The following AASS variants were observed in gnomAD, a reference collection of about 807,000 sequenced individuals.
AASS encodes the protein alpha-aminoadipic semialdehyde synthase, mitochondrial.
AASS carries 86 observed loss-of-function variants against 105.4 expected under a neutral mutation model. That is an observed-to-expected ratio of 0.82 (90% CI 0.69 to 0.98). The LOEUF (loss-of-function observed/expected upper bound fraction) is 0.98, where lower values mean the gene tolerates loss of function less well. AASS is among the 50% of genes least tolerant of loss of function. The pLI is 0.00. For synonymous variants in AASS, 381 were observed against 394.8 expected (o/e 0.96, Z 0.41); for missense variants, 1,048 against 1,143.2 (o/e 0.92, Z 1.20).
intron 18 of AASS, among the ~76,000 whole-genome samples, chr7:122,087,270 A>G (rs2150512725): frequency 6.6e-6 from 1 of 152,304 alleles, no homozygotes; most frequent in Middle Eastern, 3.4e-3. Flanking sequence ...GAGAGAGAAA[A>G]TGGAAACTCA....
intron 1 of AASS, among the ~76,000 whole-genome samples, chr7:122,140,505 A>AAAAAAAAAAAAAAAAAAAAT: frequency 6.7e-6 from 1 of 149,918 alleles, no homozygotes. Flanking sequence ...AAAAAAAAAA[A>AAAAAAAAAAAAAAAAAAAAT]AAAGAATGAA....
At chr7:122,113,474 T>C in intron 10 of AASS, 124 bp downstream of exon 10, 1 of 1,256,576 alleles carries the variant, frequency 8.0e-7, no homozygotes, top group Non-Finnish European at 1.1e-6. Context: ...CAAATTTTAG[T>C]ATGTTTGAGT....
intron 1 of AASS, 172 bp from the exon 2 acceptor site, chr7:122,133,913 T>A (rs974743232): frequency 9.3e-6 from 6 of 642,996 alleles, no homozygotes; most frequent in African/African-American, 1.8e-5. Context: ...AAAGCCAAGT[T>A]TTCAAAAACA....
In AASS at chr7:122,116,824, T is replaced by C. The variant is rs963851059; in HGVS notation, c.766+55A>G. On this transcript the variant is annotated intron_variant, in intron 7 of 23. Coordinates refer to ENST00000417368, the MANE Select transcript of AASS (RefSeq NM_005763.4). ...ATAATAAAAATTTATGGTGATAAAA[T>C]ATTATAACATAGACTGTTAAAAACA... 3.7e-6 allele frequency: 6 copies of C among 1,611,326 alleles called. No individual in the cohort carries two copies. The East Asian group carries it at 8.9e-5, about 24-fold the overall frequency.
At chr7:122,105,266 C>T (rs1373549483) in intron 11 of AASS, among the ~76,000 whole-genome samples, 1 of 151,710 alleles carries the variant, frequency 6.6e-6, no homozygotes, top group Non-Finnish European at 1.5e-5. Flanking sequence ...AAATAGATAC[C>T]AAAACAATAA....
chr7:122,115,926 C>A (rs1795148526), intron 8 of AASS, among the ~76,000 whole-genome samples: 1 of 152,140 alleles, frequency 6.6e-6, no homozygotes, highest in African/African-American at 2.4e-5. Flanking sequence ...AAGGGCTAAA[C>A]TTCATACCAG....
chr7:122,075,595 G>A lies in AASS; in HGVS notation c.*894C>T, dbSNP rs555955255. ...AGATGCCCTTTATCAGGTTGAGGAA[G>A]TTTCCTTCTATTCCTAGTTTGTTGA... is the stretch of plus-strand genomic sequence containing the variant. On this transcript the variant is annotated 3_prime_UTR_variant, in exon 24 of 24. Transcript: ENST00000417368. 2.6e-5 allele frequency: 4 copies of A among 152,268 alleles called. No individual in the cohort carries two copies. Among genetic ancestry groups the A allele is most frequent in the African/African-American group, 9.6e-5 (4 of 41,546 alleles). 9.4% of individuals were successfully genotyped at this position (152,268 alleles called of 1,614,324 possible).
At chr7:122,097,135 C>T (rs577939992) in intron 15 of AASS, among the ~76,000 whole-genome samples, 12 of 151,230 alleles carry the variant, frequency 7.9e-5, no homozygotes, top group Non-Finnish European at 1.8e-4. Flanking sequence ...TGTAAAAATG[C>T]CAGCCTACAG....
chr7:122,142,055 C>T (rs1796424620), intron 1 of AASS, among the ~76,000 whole-genome samples: 1 of 152,040 alleles, frequency 6.6e-6, no homozygotes, highest in Non-Finnish European at 1.5e-5. Flanking sequence ...TAGCATGGAC[C>T]AGGAACCAAG....
intron 20 of AASS, among the ~76,000 whole-genome samples, chr7:122,081,172 A>G (rs1241773482): frequency 6.6e-6 from 1 of 152,244 alleles, no homozygotes; most frequent in Non-Finnish European, 1.5e-5. Flanking sequence ...CAGGAAGTCC[A>G]AGTGACTCCC....
rs1793955160 is a variant in AASS at position 122,092,568 on chromosome 7, T to C, written c.1875+275A>G. ...GGAGAAACCCCATCTCTACTAAAAA[T>C]ACAAAATTAGCCGGGCATGGTGGTG... On this transcript the variant is annotated intron_variant, in intron 17 of 23. Coordinates refer to ENST00000417368, the MANE Select transcript of AASS (RefSeq NM_005763.4). Among the ~76,000 whole-genome samples, 3 of 151,942 alleles carry C rather than the reference T, an allele frequency of 2.0e-5. No homozygotes were observed. The South Asian group carries it at 6.2e-4, about 31-fold the overall frequency.
chr7:122,078,133 G>T, intron 22 of AASS, 119 bp from the exon 23 acceptor site: 1 of 955,410 alleles, frequency 1.0e-6, no homozygotes, highest in Non-Finnish European at 1.7e-6. Flanking sequence ...ATGATCACTA[G>T]ACAATTATTT....
rs1245596330 is a variant in AASS, at chr7:122,093,047, C to T, written c.1766+1G>A. Reference sequence around the variant, plus strand: ...GTTTGTTTAAAATGATTAAAACTTACCTCTTTTCCAATTCTTTTAGTGCTG... The same window carrying T: ...GTTTGTTTAAAATGATTAAAACTTATCTCTTTTCCAATTCTTTTAGTGCTG... On this transcript the variant is annotated splice_donor_variant, in intron 16 of 23. Transcript: ENST00000417368. LOFTEE classifies it high-confidence loss of function. 7 of 1,613,164 alleles carry T rather than the reference C, an allele frequency of 4.3e-6. No homozygotes were observed. Among genetic ancestry groups the T allele is most frequent in the Non-Finnish European group, 5.9e-6 (7 of 1,179,282 alleles).
intron 17 of AASS, among the ~76,000 whole-genome samples, chr7:122,092,556 C>T (rs545218276): frequency 6.6e-6 from 1 of 152,124 alleles, no homozygotes; most frequent in East Asian, 1.9e-4. Flanking sequence ...GAAACCCCAT[C>T]TCTACTAAAA....
Position 122,118,433 on chromosome 7 carries a change from G to A in AASS, c.561C>T (p.Asn187=), listed in dbSNP as rs1407283919. Residue 187 remains asparagine (N), a synonymous_variant, in exon 6 of 24, where the codon AAC becomes AAT. Transcript: ENST00000417368. ...TPFMHIGMAH[N]YRNSSQAVQA... ...GCACAGCCTGACTGCTATTCCTGTA[G>A]TTATGAGCCATGCCAATGTGCTGAA... The A allele has an allele frequency of 6.2e-7, 1 of 1,614,012 alleles. No individual in the cohort carries two copies. Among genetic ancestry groups the A allele is most frequent in the African/African-American group, 1.3e-5 (1 of 74,906 alleles).
At chr7:122,113,923 C>CAAAAAAAAAAAAAAAAAAAAAAAAA (rs776611119) in intron 9 of AASS, among the ~76,000 whole-genome samples, 1 of 56,256 alleles carries the variant, frequency 1.8e-5, no homozygotes. Context: ...TTTTAGTCTC[C>CAAAAAAAAAAAAAAAAAAAAAAAAA]AAAAAAAAAA....
At position 122,078,855 on chromosome 7, in the gene AASS, G is replaced by C. The variant is rs746729656; in HGVS notation, c.2485+7C>G. On this transcript the variant is annotated splice_region_variant and intron_variant, in intron 22 of 23. Coordinates refer to ENST00000417368, the MANE Select transcript of AASS (RefSeq NM_005763.4). ...TAGGTATATTTAGCTAATACTTCAT[G>C]GCCTACCATAGGAAAGCTTCATGAC... 6.2e-7 allele frequency: 1 copy of C among 1,611,456 alleles called. No individual in the cohort carries two copies. The highest frequency in any genetic ancestry group is 1.1e-5 in the South Asian group (1 of 91,042).
intron 11 of AASS, 100 bp downstream of exon 11, chr7:122,113,017 CA>C (rs1795006293): frequency 1.1e-6 from 1 of 930,598 alleles, no homozygotes; most frequent in Non-Finnish European, 1.7e-6. Context: ...TTTCATTTTA[CA>C]GCAGATTTCT....
At chr7:122,083,573 T>C (rs1291201578) in intron 19 of AASS, among the ~76,000 whole-genome samples, 1 of 152,010 alleles carries the variant, frequency 6.6e-6, no homozygotes. Context: ...AAGCAAATAA[T>C]GCCTAGTCCA....
Sources: allele counts gnomAD v4.1 joint callset (sites outside exome capture counted in the v4.1 genomes callset), GRCh38; gene constraint gnomAD v4.1.1; transcripts MANE v1.5; gene names NCBI Gene and HGNC (gene_info 2026-07-23, HGNC 2026-07-21).